The following HCN2 variants were observed in gnomAD, a reference collection of about 807,000 sequenced individuals.
HCN2 encodes the protein hyperpolarization activated cyclic nucleotide gated potassium and sodium channel 2, also known as potassium/sodium hyperpolarization-activated cyclic nucleotide-gated channel 2.
A neutral mutation model predicts 52.3 loss-of-function variants in HCN2; 20 were observed. That is an observed-to-expected ratio of 0.38 (90% CI 0.27 to 0.56). The LOEUF (loss-of-function observed/expected upper bound fraction) is 0.56. HCN2 is among the 20% of genes least tolerant of loss of function. The pLI, the probability that HCN2 is intolerant of heterozygous loss-of-function variation, is 0.71. For synonymous variants in HCN2, 694 were observed against 537.0 expected, an observed-to-expected ratio of 1.29 and a Z score of -4.04; for missense variants, 981 against 1,207.7, an observed-to-expected ratio of 0.81 and a Z score of 2.78.
chr19:616,924 C>T lies in HCN2; in HGVS notation c.*450C>T, dbSNP rs953280341. On this transcript the variant is annotated 3_prime_UTR_variant, in exon 8 of 8. Coordinates refer to ENST00000251287, the MANE Select transcript of HCN2 (RefSeq NM_001194.4). ...CCATCGCGCTCACGCAATAACCGGCCCGGCCCCCGTCCGCGCGCGTCCCCC... is the reference window on the plus strand; with the variant it reads ...CCATCGCGCTCACGCAATAACCGGCTCGGCCCCCGTCCGCGCGCGTCCCCC... 5.5e-6 allele frequency: 2 copies of T among 360,978 alleles called. No homozygotes were observed. The highest frequency in any genetic ancestry group is 2.5e-5 in the South Asian group (1 of 40,074). The allele number at this position is 360,978 out of a possible 1,614,324, so 22.4% of individuals were successfully genotyped here.
intron 3 of HCN2, among the ~76,000 whole-genome samples, chr19:606,725 A>ATG (rs1983439087): frequency 6.7e-6 from 1 of 148,432 alleles, no homozygotes; most frequent in Non-Finnish European, 1.5e-5. Context: ...GGTGGCGCGC[A>ATG]CCTGTAATTC....
chr19:603,043 G>A (rs7258209), intron 1 of HCN2, among the ~76,000 whole-genome samples: 3,163 of 56,594 alleles, frequency 0.056, 201 homozygotes, highest in Admixed American at 0.15. Flanking sequence ...GGAAGGCACC[G>A]GCCTGAGGTG....
At position 605,813 on chromosome 19, in the gene HCN2, C is replaced by T. The variant is rs189038301; in HGVS notation, c.1218+591C>T. 8.0e-3 allele frequency among the ~76,000 whole-genome samples: 1,194 copies of T among 148,344 alleles called. 23 individuals are homozygous for T. The highest frequency in any genetic ancestry group is 0.011 in the Non-Finnish European group (744 of 67,468). On this transcript the variant is annotated intron_variant, in intron 3 of 7. Transcript: ENST00000251287. ...CCCTTACAGAGGCGGGGACCCAGGC[C>T]GCCTTACAGAGGGAGAGACACAGGC...
At chr19:613,185 G>C in intron 5 of HCN2, 63 bp from the exon 6 acceptor site, 1 of 1,536,698 alleles carries the variant, frequency 6.5e-7, no homozygotes, top group Non-Finnish European at 8.8e-7. Context: ...GGTCCCAGAG[G>C]CAGGGCGAGG....
At chr19:609,180 C>T (rs573557055) in intron 4 of HCN2, among the ~76,000 whole-genome samples, 122 of 152,284 alleles carry the variant, frequency 8.0e-4, no homozygotes, top group African/African-American at 2.3e-3. Context: ...ACCCGCCCGC[C>T]GTCACGGGTT....
At chr19:593,741 T>C (rs1378307953) in intron 1 of HCN2, among the ~76,000 whole-genome samples, 1 of 152,138 alleles carries the variant, frequency 6.6e-6, no homozygotes, top group Non-Finnish European at 1.5e-5. Flanking sequence ...GGCGCTTCCC[T>C]GGGGTGCTGG....
Position 616,222 on chromosome 19 carries a change from C to T in HCN2, c.2418C>T (p.Pro806=). Reference sequence around the variant, plus strand: ...TGCCCGCCGCCCCCCTTGCTGGGCCCGCCCTGCCCGCGCGCCGCCTGAGCC... The same window carrying T: ...TGCCCGCCGCCCCCCTTGCTGGGCCTGCCCTGCCCGCGCGCCGCCTGAGCC... ...GGLPAAPLAG[P]ALPARRLSRA... is the part of the protein sequence containing the mutation. The change falls in exon 8 of 8, where the codon CCC becomes CCT. Residue 806 remains proline, a synonymous_variant. Coordinates refer to ENST00000251287, the MANE Select transcript of HCN2 (RefSeq NM_001194.4). 3.0e-6 allele frequency: 3 copies of T among 991,036 alleles called. No homozygotes were observed. The highest frequency in any genetic ancestry group is 3.6e-6 in the Non-Finnish European group (3 of 835,792). The allele number at this position is 991,036 out of a possible 1,614,324, so 61.4% of individuals were successfully genotyped here.
rs545066976 is a variant in HCN2, at chr19:611,873, T to C, written c.1585-1375T>C. 1.5e-4 allele frequency among the ~76,000 whole-genome samples: 23 copies of C among 152,140 alleles called. No individual in the cohort carries two copies. The East Asian group carries it at 4.1e-3, about 27-fold the overall frequency. On this transcript the variant is annotated intron_variant, in intron 5 of 7. Transcript: ENST00000251287. ...CTTTAAACCCACATATGGCCAGGCG[T>C]GGTGGCTCACGCCTGTAATCCCAGC...
chr19:596,599 G>A (rs561223435), intron 1 of HCN2, among the ~76,000 whole-genome samples: 3 of 152,222 alleles, frequency 2.0e-5, no homozygotes, highest in Non-Finnish European at 2.9e-5. Flanking sequence ...GGTCACTGAT[G>A]TTTCTGTGAC....
rs536262038 is a variant in HCN2, at chr19:595,813, G to A, written c.632+5236G>A. ...CCATGACTCCACAGCTGAGAGTGCC[G>A]TCTCCTAATCCCCCGGCCCGAGGCT... On this transcript the variant is annotated intron_variant, in intron 1 of 7. Coordinates refer to ENST00000251287, the MANE Select transcript of HCN2 (RefSeq NM_001194.4). 1.1e-4 allele frequency among the ~76,000 whole-genome samples: 17 copies of A among 152,138 alleles called. No homozygotes were observed. In the South Asian group the frequency reaches 1.2e-3, roughly 11 times the overall value.
At chr19:602,767 A>G (rs1485708235) in intron 1 of HCN2, among the ~76,000 whole-genome samples, 1 of 152,146 alleles carries the variant, frequency 6.6e-6, no homozygotes, top group Non-Finnish European at 1.5e-5. Context: ...ATTTTGAGCC[A>G]CCTCTTGGGC....
chr19:600,431 C>T (rs1983166945), intron 1 of HCN2, among the ~76,000 whole-genome samples: 1 of 152,190 alleles, frequency 6.6e-6, no homozygotes, highest in African/African-American at 2.4e-5. Flanking sequence ...ACCTCCGCCT[C>T]ACTGGTTCAA....
At chr19:599,950 C>A (rs1983153745) in intron 1 of HCN2, among the ~76,000 whole-genome samples, 1 of 138,468 alleles carries the variant, frequency 7.2e-6, no homozygotes, top group Admixed American at 7.2e-5. Flanking sequence ...CTCAAGCGAT[C>A]CTCCTACCTC....
rs753578170 is a variant in HCN2 at position 613,865 on chromosome 19, C to T, written c.1839C>T (p.Leu613=). The stretch of plus-strand genomic sequence containing the variant: ...CGCCACGTGCAGAGATCTGCCTGCT[C>T]ACCCGGGGCCGCCGCACGGCGAGCG... ...DGSYFGEICL[L]TRGRRTASVR... Residue 613 remains leucine, a synonymous_variant, in exon 7 of 8, where the codon CTC becomes CTT. Transcript: ENST00000251287. The T allele has an allele frequency of 8.7e-5, 138 of 1,587,248 alleles. No homozygotes were observed. The highest frequency in any genetic ancestry group is 4.7e-4 in the Admixed American group (27 of 57,298).
intron 7 of HCN2, among the ~76,000 whole-genome samples, chr19:614,720 C>T (rs759048832): frequency 3.3e-5 from 5 of 151,708 alleles, no homozygotes; most frequent in Non-Finnish European, 7.4e-5. Flanking sequence ...ATCAGGGAGC[C>T]ATGGAGGGTT....
intron 1 of HCN2, among the ~76,000 whole-genome samples, chr19:600,732 T>C (rs1219666556): frequency 1.3e-5 from 2 of 152,200 alleles, no homozygotes; most frequent in African/African-American, 4.8e-5. Context: ...CCGCCTGCCT[T>C]GGCCTCCCAA....
intron 3 of HCN2, 56 bp downstream of exon 3, chr19:605,278 G>GA: frequency 6.4e-7 from 1 of 1,566,178 alleles, no homozygotes; most frequent in Non-Finnish European, 8.7e-7. Context: ...ACAGAGGGGG[G>GA]ACCCAGGCCC....
At chr19:607,828 T>C in intron 3 of HCN2, 136 bp from the exon 4 acceptor site, 1 of 643,250 alleles carries the variant, frequency 1.6e-6, no homozygotes, top group Non-Finnish European at 2.7e-6. Context: ...GGTCTCCATT[T>C]CTCTTGGTTA....
rs542977473 is a variant in HCN2 at position 605,232 on chromosome 19, G to A, written c.1218+10G>A. On this transcript the variant is annotated intron_variant, in intron 3 of 7. Transcript: ENST00000251287. ...CATCAATGGCATGGTGGTGAGCGCC[G>A]CGGGCCCTGACGGAGGGGGAGACGC... is the stretch of plus-strand genomic sequence containing the variant. 4.0e-5 allele frequency: 65 copies of A among 1,608,934 alleles called. No homozygotes were observed. The highest frequency in any genetic ancestry group is 1.7e-4 in the Admixed American group (10 of 59,910).
Sources: allele counts gnomAD v4.1 joint callset (sites outside exome capture counted in the v4.1 genomes callset), GRCh38; gene constraint gnomAD v4.1.1; transcripts MANE v1.5; gene names NCBI Gene and HGNC (gene_info 2026-07-23, HGNC 2026-07-21).